The following KLK7 variants were observed in gnomAD, a reference collection of about 807,000 sequenced individuals.
KLK7 encodes kallikrein related peptidase 7, also known as kallikrein-7.
In KLK7, 17 loss-of-function variants were observed where a neutral mutation model predicts 21.0. The observed-to-expected ratio is 0.81, with a 90% CI of 0.55 to 1.21. The LOEUF (loss-of-function observed/expected upper bound fraction) is 1.21. KLK7 is among the 50% of genes most tolerant of loss of function. KLK7 has a pLI of 0.00. For missense variants in KLK7, 330 were observed against 322.8 expected (o/e 1.02, Z -0.17); for synonymous variants, 151 against 134.6 (o/e 1.12, Z -0.85).
rs2091092193 is a variant in KLK7 at position 50,981,899 on chromosome 19, A to C, written c.89T>G (p.Ile30Ser). 6.2e-7 allele frequency: 1 copy of C among 1,612,680 alleles called. No individual in the cohort carries two copies. The highest frequency in any genetic ancestry group is 1.3e-5 in the African/African-American group (1 of 74,882). The change falls in exon 3 of 6, where the codon ATT becomes AGT. Residue 30 changes from isoleucine to serine, a missense_variant. Coordinates refer to ENST00000595820, the MANE Select transcript of KLK7 (RefSeq NM_005046.4). ...TCTTGCACATGGGGCGCCATCAATA[A>C]TCTTGTCACCCTGGGCTGGATGGAG... ...TAGEEAQGDK[I>S]IDGAPCARGS...
chr19:50,980,247 G>T lies in KLK7; in HGVS notation c.462C>A (p.Ser154Arg). ...GTCACTGAGGCCACCTACCATCTGG[G>T]CTCGTGGTAGTGCCCCAGCCGGAGA... ...CTVSGWGTTT[S>R]PDVTFPSDLM... Residue 154 changes from serine to arginine, a missense_variant, in exon 4 of 6, where the codon AGC (serine) becomes AGA (arginine). Transcript: ENST00000595820. The T allele has an allele frequency of 6.2e-7, 1 of 1,613,834 alleles. No individual in the cohort carries two copies. Among genetic ancestry groups the T allele is most frequent in the Non-Finnish European group, 8.5e-7 (1 of 1,179,922 alleles).
At chr19:50,978,890 AGCAGGGGG>A (rs751318746) in intron 5 of KLK7, among the ~76,000 whole-genome samples, 207 of 90,048 alleles carry the variant, frequency 2.3e-3, no homozygotes, top group Middle Eastern at 7.0e-3. Flanking sequence ...AAAAAGAGAG[AGCAGGGGG>A]GCAGGGAGAG....
intron 5 of KLK7, among the ~76,000 whole-genome samples, chr19:50,979,233 A>T (rs111872383): frequency 0.013 from 2,004 of 152,264 alleles, 43 homozygotes; most frequent in African/African-American, 0.044. Flanking sequence ...GCAATACACA[A>T]TACTTCAATG....
chr19:50,980,974 G>C (rs1363085292), intron 3 of KLK7, among the ~76,000 whole-genome samples: 1 of 145,176 alleles, frequency 6.9e-6, no homozygotes, highest in African/African-American at 2.6e-5. Context: ...GAGGAAGACA[G>C]AGAGCCAGGG....
chr19:50,982,206 A>G (rs2091094850), intron 2 of KLK7, 121 bp downstream of exon 2: 1 of 1,332,438 alleles, frequency 7.5e-7, no homozygotes, highest in Non-Finnish European at 1.0e-6. Flanking sequence ...GCTTCAGCCG[A>G]CAGTCTGGTC....
chr19:50,980,424 G>T lies in KLK7; in HGVS notation c.285C>A (p.Ala95=), dbSNP rs1431911655. 1 of 1,614,018 alleles carries T rather than the reference G, an allele frequency of 6.2e-7. No homozygotes were observed. The highest frequency in any genetic ancestry group is 1.3e-5 in the African/African-American group (1 of 74,988). ...LGDRRAQRIK[A]SKSFRHPGYS... ...AGCCGGGGTGGCGGAATGACTTCGA[G>T]GCCTTGATCCTCTGAGCTCTCCTGT... is the stretch of plus-strand genomic sequence containing the variant. The change falls in exon 4 of 6, where the codon GCC becomes GCA. Residue 95 remains alanine, a synonymous_variant. Coordinates refer to ENST00000595820, the MANE Select transcript of KLK7 (RefSeq NM_005046.4).
chr19:50,983,292 TCCTCCCTCAGACCCAGGAGTCC>T (rs2091105668), intron 1 of KLK7, among the ~76,000 whole-genome samples: 1 of 5,200 alleles, frequency 1.9e-4, no homozygotes, highest in African/African-American at 1.8e-3. Context: ...CCCCAGCCCC[TCCTCCCTCAGACCCAGGAGTCC>T]AGGCCCCAGC....
Position 50,979,678 on chromosome 19 carries a change from G to A in KLK7, c.606+110C>T, listed in dbSNP as rs939345977. ...AAAAAGCTGAGGAGGCCAGGCCTGG[G>A]GGGAGGGCAAGGCCGGGCTTGGTAC... is the stretch of plus-strand genomic sequence containing the variant. On this transcript the variant is annotated intron_variant, in intron 5 of 5. Transcript: ENST00000595820. The A allele has an allele frequency of 1.2e-5, 13 of 1,093,626 alleles. No homozygotes were observed. The Admixed American group carries it at 1.5e-4, about 13-fold the overall frequency. 67.7% of individuals were successfully genotyped at this position (1,093,626 alleles called of 1,614,324 possible). A position where few individuals can be genotyped will look rare whatever the true frequency, so the allele number is the denominator to read the frequency against.
chr19:50,981,348 G>T (rs1375789626), intron 3 of KLK7, among the ~76,000 whole-genome samples: 3 of 141,110 alleles, frequency 2.1e-5, no homozygotes, highest in Non-Finnish European at 4.5e-5. Flanking sequence ...CAGAGAGAAA[G>T]GCAGACAGAG....
intron 5 of KLK7, among the ~76,000 whole-genome samples, chr19:50,979,330 C>A (rs187039284): frequency 2.6e-5 from 4 of 152,216 alleles, no homozygotes; most frequent in African/African-American, 9.7e-5. Flanking sequence ...GCCAGTACAG[C>A]GCTGTGCTGA....
intron 5 of KLK7, among the ~76,000 whole-genome samples, chr19:50,979,566 C>T (rs961060146): frequency 2.0e-5 from 3 of 152,212 alleles, no homozygotes; most frequent in African/African-American, 7.2e-5. Flanking sequence ...CACTTTCTCA[C>T]CCCTATTAAA....
At chr19:50,981,487 G>A (rs1297045142) in intron 3 of KLK7, among the ~76,000 whole-genome samples, 15 of 108,462 alleles carry the variant, frequency 1.4e-4, no homozygotes, top group African/African-American at 4.0e-4. Flanking sequence ...AGAGAGAGGA[G>A]GGGGAACAGA....
intron 5 of KLK7, among the ~76,000 whole-genome samples, chr19:50,978,231 C>T (rs2091050873): frequency 6.6e-6 from 1 of 152,184 alleles, no homozygotes; most frequent in Admixed American, 6.5e-5. Context: ...AGAGCTTGCA[C>T]ATTCATGAAA....
Position 50,980,429 on chromosome 19 carries a change from T to C in KLK7, c.280A>G (p.Lys94Glu), listed in dbSNP as rs763159168. 249 of 1,613,824 alleles carry C rather than the reference T, an allele frequency of 1.5e-4. No individual in the cohort carries two copies. Among genetic ancestry groups the C allele is most frequent in the Non-Finnish European group, 1.9e-4 (228 of 1,179,962 alleles). ...GGGTGGCGGAATGACTTCGAGGCCT[T>C]GATCCTCTGAGCTCTCCTGTCGCCC... ...TLGDRRAQRI[K>E]ASKSFRHPGY... The change falls in exon 4 of 6, where the codon AAG (lysine) becomes GAG (glutamate). Residue 94 changes from lysine (K) to glutamate (E), a missense_variant. Coordinates refer to ENST00000595820, the MANE Select transcript of KLK7 (RefSeq NM_005046.4).
At chr19:50,980,008 G>C in intron 4 of KLK7, 84 bp from the exon 5 acceptor site, 1 of 1,494,404 alleles carries the variant, frequency 6.7e-7, no homozygotes, top group Non-Finnish European at 9.0e-7. Context: ...TCCTGGTTCC[G>C]AGGGAGGAGG....
In KLK7 at chr19:50,979,934, G is replaced by A; in HGVS notation, c.470-10C>T. 1 of 1,591,602 alleles carries A rather than the reference G, an allele frequency of 6.3e-7. No homozygotes were observed. Among genetic ancestry groups the A allele is most frequent in the South Asian group, 1.1e-5 (1 of 87,252 alleles). ...TCAGAGGGAAAGGTCACTGCAGGGA[G>A]GAGCAGGGAGAGCTGTCAGTCAGAG... is the stretch of plus-strand genomic sequence containing the variant. On this transcript the variant is annotated splice_polypyrimidine_tract_variant and intron_variant, in intron 4 of 5. Transcript: ENST00000595820.
chr19:50,981,472 C>A (rs9749594), intron 3 of KLK7, among the ~76,000 whole-genome samples: 3,475 of 107,842 alleles, frequency 0.032, 193 homozygotes, highest in African/African-American at 0.12. Flanking sequence ...GGGACAGAGA[C>A]CCAGAGAGAG....
rs1349362629 is a variant in KLK7, at chr19:50,977,526, CAG to C, written c.*8_*9del. 6.2e-7 allele frequency: 1 copy of C among 1,611,802 alleles called. No homozygotes were observed. On this transcript the variant is annotated 3_prime_UTR_variant, in exon 6 of 6. Transcript: ENST00000595820. ...GTTGGAAGCACACAGTTAATTAACT[CAG>C]TGTGGCGTTAGCGATGCTTTTTCAT...
At chr19:50,980,614 G>C in intron 3 of KLK7, 127 bp from the exon 4 acceptor site, 2 of 1,127,240 alleles carry the variant, frequency 1.8e-6, no homozygotes, top group Non-Finnish European at 2.5e-6. Flanking sequence ...AGAGAGAGGA[G>C]GGGAGACAGA....
Sources: gnomAD v4.1 joint callset for allele counts (sites outside exome capture counted in the v4.1 genomes callset) on GRCh38, gnomAD v4.1.1 for gene constraint, MANE v1.5 for transcripts, NCBI Gene and HGNC (gene_info 2026-07-23, HGNC 2026-07-21) for gene names.